Variants in NLGN4X observed in about 807,000 individuals in gnomAD.
The protein encoded by NLGN4X is neuroligin-4, X-linked.
Under a neutral mutation model 40.3 loss-of-function variants are expected in NLGN4X, and 3 were observed. The observed-to-expected ratio is 0.07, with a 90% CI of 0.03 to 0.19. The LOEUF (loss-of-function observed/expected upper bound fraction) is 0.19, where lower values mean the gene tolerates loss of function less well. NLGN4X is among the 10% of genes least tolerant of loss of function. NLGN4X has a pLI of 1.00. For synonymous variants in NLGN4X, 270 were observed against 306.8 expected (o/e 0.88, Z 1.25); for missense variants, 382 against 708.3 (o/e 0.54, Z 5.23).
chrX:5,949,719 T>C (rs1601937673), intron 3 of NLGN4X, among the ~76,000 whole-genome samples: 1 of 112,314 alleles, frequency 8.9e-6, no homozygotes, highest in East Asian at 2.8e-4. Context: ...TCAGTTACAC[T>C]TGCAGGTGCA....
intron 1 of NLGN4X, among the ~76,000 whole-genome samples, chrX:6,158,797 G>A (rs777420786): frequency 4.5e-5 from 5 of 111,735 alleles, no homozygotes; most frequent in East Asian, 2.8e-4. Flanking sequence ...TCTCCCCTCC[G>A]GGCATCCCCA....
intron 2 of NLGN4X, among the ~76,000 whole-genome samples, chrX:6,108,768 T>C (rs2039085740): frequency 9.0e-6 from 1 of 111,358 alleles, no homozygotes; most frequent in African/African-American, 3.3e-5. Flanking sequence ...ATTTGGTGTG[T>C]AGGTCTGCTC....
intron 3 of NLGN4X, among the ~76,000 whole-genome samples, chrX:6,009,758 T>C (rs749548293): frequency 2.7e-5 from 3 of 112,437 alleles, no homozygotes; most frequent in East Asian, 5.6e-4. Flanking sequence ...CTTTCATTTC[T>C]TCATTTTTCA....
chrX:6,180,330 C>T (rs1921292442), intron 1 of NLGN4X, among the ~76,000 whole-genome samples: 1 of 111,086 alleles, frequency 9.0e-6, no homozygotes, highest in Non-Finnish European at 1.9e-5. Flanking sequence ...TTAGCATCGG[C>T]CCCCTTGGTA....
At chrX:6,042,063 T>C (rs2037173080) in intron 2 of NLGN4X, among the ~76,000 whole-genome samples, 1 of 112,260 alleles carries the variant, frequency 8.9e-6, no homozygotes, top group Admixed American at 9.4e-5. Context: ...CAGGATGAAA[T>C]GCTTTTGTGA....
chrX:6,052,737 A>G (rs978129461), intron 2 of NLGN4X, among the ~76,000 whole-genome samples: 1 of 112,478 alleles, frequency 8.9e-6, no homozygotes, highest in African/African-American at 3.2e-5. Flanking sequence ...ATTAAAGAAT[A>G]TTATGTATCC....
At chrX:5,985,845 T>G (rs2035517060) in intron 3 of NLGN4X, among the ~76,000 whole-genome samples, 1 of 111,491 alleles carries the variant, frequency 9.0e-6, no homozygotes, top group African/African-American at 3.3e-5. Context: ...AAAGGTAATG[T>G]TAACGTCAAA....
rs2032038856 is a variant in NLGN4X, at chrX:5,903,866, C to T, written c.812G>A (p.Gly271Asp). 34 of 1,210,152 alleles carry T rather than the reference C, an allele frequency of 2.8e-5. No individual in the cohort carries two copies. The highest frequency in any genetic ancestry group is 3.7e-5 in the Non-Finnish European group (33 of 895,316). ...CTGAATGATGGCCTTCTGGAAGAGA[C>T]CTGCAGGTGCAAAATTGTGGACATG... ...SLLTLSHYSE[G>D]LFQKAIIQSG... The change falls in exon 5 of 6, where the codon GGT becomes GAT. Residue 271 changes from glycine to aspartate, a missense_variant and splice_region_variant. Physicochemically the swap from Gly to Asp is moderately conservative, Grantham distance 94. This residue lies in a region of NLGN4X where 32 missense variants were observed against 85.2 expected (regional missense o/e 0.38). Transcript: ENST00000381095.
At chrX:6,193,089 C>A (rs756450003) in intron 1 of NLGN4X, among the ~76,000 whole-genome samples, 1 of 111,981 alleles carries the variant, frequency 8.9e-6, no homozygotes, top group Admixed American at 9.4e-5. Context: ...ATTCCTGATA[C>A]TTACCATTGC....
chrX:5,998,987 C>T (rs927283990), intron 3 of NLGN4X, among the ~76,000 whole-genome samples: 4 of 111,820 alleles, frequency 3.6e-5, no homozygotes, highest in African/African-American at 1.3e-4. Context: ...TTTGCCCACT[C>T]GGTGCTGTAG....
At chrX:6,207,638 A>G (rs1040166942) in intron 1 of NLGN4X, among the ~76,000 whole-genome samples, 1 of 112,461 alleles carries the variant, frequency 8.9e-6, no homozygotes, top group African/African-American at 3.2e-5. Context: ...AATTTTATAG[A>G]ATGAAAATCT....
chrX:5,941,973 G>A (rs755519578), intron 3 of NLGN4X, among the ~76,000 whole-genome samples: 1 of 111,955 alleles, frequency 8.9e-6, no homozygotes, highest in Admixed American at 9.5e-5. Context: ...AGGACAAATA[G>A]GCCAGGCTGG....
intron 3 of NLGN4X, among the ~76,000 whole-genome samples, chrX:5,988,191 C>T (rs1383568181): frequency 8.9e-6 from 1 of 112,166 alleles, no homozygotes; most frequent in African/African-American, 3.2e-5. Flanking sequence ...GTCGTGAATT[C>T]ACTTATTCCT....
intron 1 of NLGN4X, among the ~76,000 whole-genome samples, chrX:6,172,218 A>T (rs2040621816): frequency 8.9e-6 from 1 of 112,266 alleles, no homozygotes; most frequent in Non-Finnish European, 1.9e-5. Flanking sequence ...TGTTCTTCTG[A>T]AATCTCGCAA....
Position 5,892,525 on chromosome X carries a change from C to A in NLGN4X, c.*292G>T. 3.1e-6 allele frequency: 1 copy of A among 327,667 alleles called. No individual in the cohort carries two copies. Among genetic ancestry groups the A allele is most frequent in the Non-Finnish European group, 5.4e-6 (1 of 184,027 alleles). 27.0% of individuals were successfully genotyped at this position (327,667 alleles called of 1,213,427 possible). A position where few individuals can be genotyped will look rare whatever the true frequency, so the allele number is the denominator to read the frequency against. ...CTTGAAATGGTGATGTCCTATCACACTAAACATCGATTGGAGTGGTAGAGA... is the reference window on the plus strand; with the variant it reads ...CTTGAAATGGTGATGTCCTATCACAATAAACATCGATTGGAGTGGTAGAGA... On this transcript the variant is annotated 3_prime_UTR_variant, in exon 6 of 6. Coordinates refer to ENST00000381095, the MANE Select transcript of NLGN4X (RefSeq NM_181332.3).
intron 2 of NLGN4X, among the ~76,000 whole-genome samples, chrX:6,115,096 T>C: frequency 8.9e-6 from 1 of 112,157 alleles, no homozygotes; most frequent in East Asian, 2.8e-4. Context: ...GTGCTCTTTT[T>C]TTGAGCAAAT....
intron 2 of NLGN4X, among the ~76,000 whole-genome samples, chrX:6,044,965 A>G (rs2037278057): frequency 8.9e-6 from 1 of 112,491 alleles, no homozygotes; most frequent in South Asian, 3.7e-4. Context: ...TTACAGAGAC[A>G]TAAGAACAGT....
intron 1 of NLGN4X, among the ~76,000 whole-genome samples, chrX:6,214,454 C>T (rs954251654): frequency 1.8e-5 from 2 of 111,916 alleles, no homozygotes; most frequent in African/African-American, 6.5e-5. Flanking sequence ...TGCACAGGCT[C>T]ACCCGCAAAA....
intron 1 of NLGN4X, among the ~76,000 whole-genome samples, chrX:6,202,943 T>A (rs1923755709): frequency 1.8e-5 from 2 of 112,059 alleles, no homozygotes; most frequent in South Asian, 7.5e-4. Context: ...ATTCTATCAG[T>A]ATCATCCTTC....
Sources: gnomAD v4.1 joint callset for allele counts (sites outside exome capture counted in the v4.1 genomes callset) on GRCh38, gnomAD v4.1.1 for gene constraint, gnomAD v4.1.1 regional missense constraint, MANE v1.5 for transcripts, NCBI Gene and HGNC (gene_info 2026-07-23, HGNC 2026-07-21) for gene names.